Variants in FOXO3 observed in about 807,000 individuals in gnomAD.
The protein encoded by FOXO3 is forkhead box O3.
In FOXO3, 4 loss-of-function variants were observed where a neutral mutation model predicts 41.9. That is an observed-to-expected ratio of 0.10 (90% CI 0.05 to 0.22). The LOEUF (loss-of-function observed/expected upper bound fraction) is 0.22. FOXO3 is among the 10% of genes least tolerant of loss of function. The probability of loss-of-function intolerance (pLI) is 1.00; values close to 1 mark genes in which losing one functional copy is unlikely to be tolerated. For missense variants in FOXO3, 534 were observed against 906.8 expected (o/e 0.59, Z 5.28); for synonymous variants, 318 against 389.3 (o/e 0.82, Z 2.16).
In FOXO3 at chr6:108,596,382, G is replaced by GAA. The variant is rs61683111; in HGVS notation, c.621+34576_621+34577dup. On this transcript the variant is annotated intron_variant, in intron 1 of 2. Coordinates refer to ENST00000406360, the MANE Select transcript of FOXO3 (RefSeq NM_001455.4). ...TGGACTCCTGGTTAATGGCCTAAAT[G>GAA]AAAAAAAAAAAAAAAAAAAAAAAAG... Among the ~76,000 whole-genome samples the GAA allele has an allele frequency of 1.2e-3, 70 of 58,258 alleles. 1 individual carries two copies. The highest frequency in any genetic ancestry group is 0.011 in the Middle Eastern group (1 of 88). The allele number at this position is 58,258 out of a possible 152,430, so 38.2% of individuals were successfully genotyped here. A position where few individuals can be genotyped will look rare whatever the true frequency, so the allele number is the denominator to read the frequency against.
At chr6:108,666,331 TC>T (rs1460410650) in intron 2 of FOXO3, among the ~76,000 whole-genome samples, 1 of 151,004 alleles carries the variant, frequency 6.6e-6, no homozygotes, top group Non-Finnish European at 1.5e-5. Flanking sequence ...TCTTTTTTTT[TC>T]TTTTTCTTTT....
At chr6:108,601,559 C>G (rs986128353) in intron 1 of FOXO3, among the ~76,000 whole-genome samples, 1 of 152,208 alleles carries the variant, frequency 6.6e-6, no homozygotes, top group African/African-American at 2.4e-5. Flanking sequence ...CTGCCTTGGC[C>G]TCCCAAAGGG....
At position 108,639,605 on chromosome 6, in the gene FOXO3, A is replaced by G. The variant is rs1778201878; in HGVS notation, c.622-23850A>G. The G allele has an allele frequency of 7.1e-6, 7 of 985,142 alleles. 1 individual carries two copies. Among genetic ancestry groups the G allele is most frequent in the South Asian group, 9.4e-5 (2 of 21,284 alleles). 61.0% of individuals were successfully genotyped at this position (985,142 alleles called of 1,614,324 possible). ...GCAAGTGGAGGTGGACCCTGCCTCA[A>G]ACAGGTTTGGTTTGCTCCTGGTTGA... On this transcript the variant is annotated intron_variant, in intron 1 of 2. Transcript: ENST00000406360.
intron 2 of FOXO3, among the ~76,000 whole-genome samples, chr6:108,672,334 T>C (rs2128390671): frequency 6.6e-6 from 1 of 152,348 alleles, no homozygotes; most frequent in Admixed American, 6.5e-5. Flanking sequence ...ACAGTCACTG[T>C]ACCCTTAACA....
At chr6:108,642,903 G>A (rs1778298225) in intron 1 of FOXO3, among the ~76,000 whole-genome samples, 1 of 152,196 alleles carries the variant, frequency 6.6e-6, no homozygotes, top group Non-Finnish European at 1.5e-5. Context: ...GTTCCGTAAA[G>A]CTAATTCATT....
At chr6:108,632,559 AC>A (rs1424465585) in intron 1 of FOXO3, among the ~76,000 whole-genome samples, 1 of 152,172 alleles carries the variant, frequency 6.6e-6, no homozygotes, top group African/African-American at 2.4e-5. Context: ...CTTTTCGTGC[AC>A]CTGGGTCAGG....
chr6:108,562,124 C>T (rs922861274), intron 1 of FOXO3, among the ~76,000 whole-genome samples: 3 of 152,038 alleles, frequency 2.0e-5, no homozygotes, highest in African/African-American at 7.2e-5. Context: ...TTGCTGGATT[C>T]TCCGGACAGC....
chr6:108,566,977 G>C (rs1226332645), intron 1 of FOXO3, among the ~76,000 whole-genome samples: 2 of 152,236 alleles, frequency 1.3e-5, no homozygotes, highest in Non-Finnish European at 2.9e-5. Context: ...AAGGCATGCT[G>C]CTTGCAGAGC....
At chr6:108,639,622 C>T in intron 1 of FOXO3, 6 of 980,916 alleles carry the variant, frequency 6.1e-6, no homozygotes, top group Non-Finnish European at 7.3e-6. Flanking sequence ...TTGGTTTGCT[C>T]CTGGTTGAGC....
intron 2 of FOXO3, among the ~76,000 whole-genome samples, chr6:108,673,060 A>G (rs929446834): frequency 6.6e-6 from 1 of 152,224 alleles, no homozygotes; most frequent in Non-Finnish European, 1.5e-5. Context: ...ATGTTCAAAA[A>G]AGATCAGACA....
intron 1 of FOXO3, among the ~76,000 whole-genome samples, chr6:108,610,076 C>T (rs1777317450): frequency 3.9e-5 from 6 of 152,014 alleles, no homozygotes; most frequent in Non-Finnish European, 8.8e-5. Flanking sequence ...TTTTTTTGCA[C>T]TTTGCTTTGT....
chr6:108,560,740 C>G (rs944591139), upstream of FOXO3: 1 of 234,840 alleles, frequency 4.3e-6, no homozygotes, highest in African/African-American at 2.3e-5. Flanking sequence ...GCTGCGCCAG[C>G]TCCGGCCGCT....
At chr6:108,675,029 C>A (rs974085278) in intron 2 of FOXO3, among the ~76,000 whole-genome samples, 7 of 152,112 alleles carry the variant, frequency 4.6e-5, no homozygotes, top group Non-Finnish European at 1.0e-4. Context: ...CATTAGTATT[C>A]ATAGTCGACT....
intron 1 of FOXO3, among the ~76,000 whole-genome samples, chr6:108,564,790 GTTTT>G (rs5878982): frequency 6.8e-6 from 1 of 147,822 alleles, no homozygotes; most frequent in Non-Finnish European, 1.5e-5. Context: ...TTTGTGTTTT[GTTTT>G]TTTTTTTCAA....
chr6:108,616,045 T>C (rs1043155359), intron 1 of FOXO3, among the ~76,000 whole-genome samples: 5 of 151,714 alleles, frequency 3.3e-5, no homozygotes, highest in African/African-American at 4.8e-5. Flanking sequence ...TGGAGTGCAA[T>C]GGCGCAATCT....
chr6:108,676,945 C>A (rs771944469), intron 2 of FOXO3, among the ~76,000 whole-genome samples: 2 of 152,212 alleles, frequency 1.3e-5, no homozygotes, highest in African/African-American at 2.4e-5. Flanking sequence ...CATTTATCTT[C>A]TATATTTTCA....
intron 1 of FOXO3, among the ~76,000 whole-genome samples, chr6:108,583,402 G>A (rs1189483718): frequency 6.6e-6 from 1 of 152,156 alleles, no homozygotes; most frequent in Non-Finnish European, 1.5e-5. Context: ...TTGTAACTTT[G>A]ATGGTTGTGA....
intron 1 of FOXO3, among the ~76,000 whole-genome samples, chr6:108,617,743 T>C (rs564021706): frequency 6.6e-6 from 1 of 152,296 alleles, no homozygotes; most frequent in South Asian, 2.1e-4. Flanking sequence ...GAATCAGTGT[T>C]TTTCCCCATC....
chr6:108,581,712 C>T (rs973010430), intron 1 of FOXO3, among the ~76,000 whole-genome samples: 18 of 152,056 alleles, frequency 1.2e-4, no homozygotes, highest in African/African-American at 4.1e-4. Flanking sequence ...CCAAAGAGTT[C>T]AGCATTATGA....
Sources: gnomAD v4.1 joint callset for allele counts (sites outside exome capture counted in the v4.1 genomes callset) on GRCh38, gnomAD v4.1.1 for gene constraint, MANE v1.5 for transcripts, NCBI Gene and HGNC (gene_info 2026-07-23, HGNC 2026-07-21) for gene names.